ASPH: variants seen among roughly 807,000 people sequenced by gnomAD.
ASPH encodes the protein aspartyl/asparaginyl beta-hydroxylase.
ASPH carries 100 observed loss-of-function variants against 118.4 expected under a neutral mutation model. That is an observed-to-expected ratio of 0.84 (90% CI 0.72 to 1.00). The LOEUF is 1.00. ASPH is among the 50% of genes least tolerant of loss of function. The pLI, the probability that ASPH is intolerant of heterozygous loss-of-function variation, is 0.00. For synonymous variants in ASPH, 315 were observed against 325.6 expected (o/e 0.97, Z 0.35); for missense variants, 920 against 919.5 (o/e 1.00, Z -0.01).
chr8:61,536,993 T>C (rs940993357), intron 21 of ASPH, among the ~76,000 whole-genome samples: 20 of 152,146 alleles, frequency 1.3e-4, no homozygotes, highest in African/African-American at 4.6e-4. Flanking sequence ...TGACTTTTGC[T>C]CGTTCTAGTG....
At chr8:61,691,469 C>T (rs1191213666) in intron 1 of ASPH, among the ~76,000 whole-genome samples, 1 of 152,218 alleles carries the variant, frequency 6.6e-6, no homozygotes, top group Non-Finnish European at 1.5e-5. Flanking sequence ...TAATGAATCA[C>T]TTGTTGACAG....
chr8:61,599,293 G>A lies in ASPH; in HGVS notation c.977-15264C>T, dbSNP rs181106178. Among the ~76,000 whole-genome samples the A allele has an allele frequency of 5.3e-3, 800 of 152,136 alleles. 3 individuals carry two copies. The highest frequency in any genetic ancestry group is 8.0e-3 in the Non-Finnish European group (546 of 68,000). ...AATGAGAACACTTGGACACAGGAAG[G>A]GGAACATCACACACCGGGGCCTGTT... is the stretch of plus-strand genomic sequence containing the variant. On this transcript the variant is annotated intron_variant, in intron 14 of 24. Transcript: ENST00000379454.
intron 3 of ASPH, chr8:61,675,156 T>C (rs1388771631): frequency 2.9e-6 from 1 of 339,972 alleles, no homozygotes; most frequent in African/African-American, 2.2e-5. Context: ...CTAAATGGAA[T>C]TACCACTTCA....
chr8:61,613,953 T>C (rs375426905), intron 14 of ASPH, among the ~76,000 whole-genome samples: 1 of 152,344 alleles, frequency 6.6e-6, no homozygotes. Flanking sequence ...TTCTTTATGA[T>C]CACAGAAAAC....
chr8:61,679,862 AATTTC>A (rs1827098029), intron 3 of ASPH, among the ~76,000 whole-genome samples: 1 of 151,442 alleles, frequency 6.6e-6, no homozygotes, highest in Non-Finnish European at 1.5e-5. Context: ...CTACATTGAA[AATTTC>A]ATTAAAGTTA....
At chr8:61,700,588 T>TCGG (rs1835002993) in intron 1 of ASPH, among the ~76,000 whole-genome samples, 1 of 152,068 alleles carries the variant, frequency 6.6e-6, no homozygotes, top group Non-Finnish European at 1.5e-5. Flanking sequence ...CTACAAAATG[T>TCGG]GCTTCCATAT....
intron 15 of ASPH, chr8:61,578,999 T>C (rs1836412304): frequency 6.2e-7 from 1 of 1,610,768 alleles, no homozygotes; most frequent in African/African-American, 1.3e-5. Flanking sequence ...ACAGCATCAT[T>C]GCTGAGGTCA....
chr8:61,550,594 G>A (rs968397161), intron 20 of ASPH, among the ~76,000 whole-genome samples: 3 of 152,184 alleles, frequency 2.0e-5, no homozygotes, highest in Non-Finnish European at 4.4e-5. Context: ...GCTGGGGTAT[G>A]TTCTGCCTGG....
chr8:61,630,667 C>T (rs539691936), intron 13 of ASPH, among the ~76,000 whole-genome samples: 1 of 152,242 alleles, frequency 6.6e-6, no homozygotes, highest in South Asian at 2.1e-4. Flanking sequence ...CTGGTGTAAA[C>T]AAATCTACTG....
chr8:61,503,154 C>T lies in ASPH; in HGVS notation c.*205G>A, dbSNP rs73259383. The T allele has an allele frequency of 1.8e-3, 818 of 450,446 alleles. 4 individuals are homozygous for T. The highest frequency in any genetic ancestry group is 0.015 in the African/African-American group (751 of 49,482). 27.9% of individuals were successfully genotyped at this position (450,446 alleles called of 1,614,324 possible). A position where few individuals can be genotyped will look rare whatever the true frequency, so the allele number is the denominator to read the frequency against. ...AGACCAGTGCTGTCATGAGATGACA[C>T]ACAGCAGGGTGTTTCCTAAATGAAT... On this transcript the variant is annotated 3_prime_UTR_variant, in exon 25 of 25. Transcript: ENST00000379454.
chr8:61,573,678 T>G (rs1351201244), intron 16 of ASPH, among the ~76,000 whole-genome samples: 2 of 152,128 alleles, frequency 1.3e-5, no homozygotes, highest in Non-Finnish European at 2.9e-5. Flanking sequence ...AAACTGAAAC[T>G]GGACCCTTTC....
At chr8:61,684,397 C>T (rs558133657) in intron 1 of ASPH, 2 of 524,774 alleles carry the variant, frequency 3.8e-6, no homozygotes, top group East Asian at 3.1e-5. Flanking sequence ...TGAAGTAGTG[C>T]AGGAAATAAA....
chr8:61,556,161 A>T, intron 18 of ASPH, 139 bp from the exon 19 acceptor site: 1 of 676,020 alleles, frequency 1.5e-6, no homozygotes. Flanking sequence ...AGCTGAAAAC[A>T]CCATAGTACT....
At chr8:61,612,771 T>TA (rs1669888405) in intron 14 of ASPH, among the ~76,000 whole-genome samples, 1 of 152,258 alleles carries the variant, frequency 6.6e-6, no homozygotes, top group East Asian at 1.9e-4. Flanking sequence ...AAAGAAGATT[T>TA]AAAAAATGAA....
At chr8:61,544,281 T>A (rs1275363923) in intron 21 of ASPH, among the ~76,000 whole-genome samples, 1 of 152,228 alleles carries the variant, frequency 6.6e-6, no homozygotes, top group Non-Finnish European at 1.5e-5. Flanking sequence ...TTTGCTAATG[T>A]ACAGAGTTCT....
intron 14 of ASPH, among the ~76,000 whole-genome samples, chr8:61,595,740 G>A (rs1344909374): frequency 6.6e-6 from 1 of 152,202 alleles, no homozygotes; most frequent in East Asian, 1.9e-4. Flanking sequence ...GAATGGCCTG[G>A]ATGCACCATC....
chr8:61,514,192 T>C (rs555868268), intron 24 of ASPH, among the ~76,000 whole-genome samples: 20 of 152,312 alleles, frequency 1.3e-4, no homozygotes, highest in African/African-American at 2.9e-4. Flanking sequence ...ACCATCCACC[T>C]GCTCCCATTC....
intron 21 of ASPH, among the ~76,000 whole-genome samples, chr8:61,544,341 A>C (rs1823030725): frequency 1.3e-5 from 2 of 152,214 alleles, no homozygotes; most frequent in East Asian, 3.8e-4. Flanking sequence ...GGAGGGGTAG[A>C]TTTATGAAGA....
At chr8:61,599,183 C>T (rs1158187231) in intron 14 of ASPH, among the ~76,000 whole-genome samples, 1 of 151,632 alleles carries the variant, frequency 6.6e-6, no homozygotes, top group East Asian at 1.9e-4. Context: ...AAAAAAATTA[C>T]AAAAGTTCAA....
Sources: gnomAD v4.1 joint callset for allele counts (sites outside exome capture counted in the v4.1 genomes callset) on GRCh38, gnomAD v4.1.1 for gene constraint, MANE v1.5 for transcripts, NCBI Gene and HGNC (gene_info 2026-07-23, HGNC 2026-07-21) for gene names.